TGFB2: variants seen among roughly 807,000 people sequenced by gnomAD.
TGFB2 encodes the protein transforming growth factor beta 2.
TGFB2 carries 13 observed loss-of-function variants against 42.7 expected under a neutral mutation model. That is an observed-to-expected ratio of 0.30 (90% CI 0.20 to 0.48). The LOEUF (loss-of-function observed/expected upper bound fraction) is 0.48, where lower values mean the gene tolerates loss of function less well. TGFB2 is among the 20% of genes least tolerant of loss of function. The pLI, the probability that TGFB2 is intolerant of heterozygous loss-of-function variation, is 0.99. For synonymous variants in TGFB2, 193 were observed against 193.6 expected, an observed-to-expected ratio of 1.00 and a Z score of 0.03; for missense variants, 390 against 517.5, an observed-to-expected ratio of 0.75 and a Z score of 2.39.
chr1:218,373,609 C>T (rs908305087), intron 1 of TGFB2, among the ~76,000 whole-genome samples: 14 of 152,000 alleles, frequency 9.2e-5, no homozygotes, highest in Admixed American at 6.5e-4. Context: ...AATAAGGAAA[C>T]TGAGGTGTAG....
At chr1:218,365,570 G>A (rs1307333752) in intron 1 of TGFB2, among the ~76,000 whole-genome samples, 4 of 152,164 alleles carry the variant, frequency 2.6e-5, no homozygotes, top group Admixed American at 1.3e-4. Context: ...ACAGTGGGAG[G>A]CTCTTCCACC....
intron 1 of TGFB2, among the ~76,000 whole-genome samples, chr1:218,398,335 T>C (rs141606419): frequency 9.8e-4 from 149 of 152,336 alleles, no homozygotes; most frequent in African/African-American, 3.4e-3. Context: ...ATTCACGCAC[T>C]TTCTTCCTGC....
intron 1 of TGFB2, among the ~76,000 whole-genome samples, chr1:218,390,829 C>T (rs142160603): frequency 1.3e-3 from 205 of 152,204 alleles, no homozygotes; most frequent in African/African-American, 4.6e-3. Context: ...TGTATGTTCC[C>T]ATATCTTAAT....
At chr1:218,412,695 C>T (rs539686368) in intron 2 of TGFB2, among the ~76,000 whole-genome samples, 121 of 152,200 alleles carry the variant, frequency 8.0e-4, no homozygotes, top group African/African-American at 2.8e-3. Context: ...GTGGGGAGTG[C>T]GTGTTCAACA....
At chr1:218,410,829 A>G (rs1185758973) in intron 2 of TGFB2, among the ~76,000 whole-genome samples, 2 of 152,230 alleles carry the variant, frequency 1.3e-5, no homozygotes, top group Non-Finnish European at 2.9e-5. Context: ...TTTCCCCTGT[A>G]TGTATGATTA....
chr1:218,438,298 A>G (rs1457882432), intron 6 of TGFB2, among the ~76,000 whole-genome samples: 1 of 148,632 alleles, frequency 6.7e-6, no homozygotes, highest in Admixed American at 6.7e-5. Flanking sequence ...GTCTCCATCT[A>G]AAAAAAAAAT....
At chr1:218,357,102 C>T (rs1204071954) in intron 1 of TGFB2, among the ~76,000 whole-genome samples, 1 of 151,282 alleles carries the variant, frequency 6.6e-6, no homozygotes, top group Non-Finnish European at 1.5e-5. Flanking sequence ...ATCCCAGCTA[C>T]TTGGGAGGCT....
At position 218,444,600 on chromosome 1, in the gene TGFB2, A is replaced by G. The variant is rs1216833375; in HGVS notation, c.*3238A>G. 2 of 152,214 alleles carry G rather than the reference A, an allele frequency of 1.3e-5. No homozygotes were observed. The highest frequency in any genetic ancestry group is 4.8e-5 in the African/African-American group (2 of 41,460). The allele number at this position is 152,214 out of a possible 1,614,324, so 9.4% of individuals were successfully genotyped here. On this transcript the variant is annotated 3_prime_UTR_variant, in exon 7 of 7. Coordinates refer to ENST00000366930, the MANE Select transcript of TGFB2 (RefSeq NM_003238.6). ...ATCTCTTAATAAATAGGATTAATAAAAAAAGTAATTGTGACTCAATCTGGT... is the reference window on the plus strand; with the variant it reads ...ATCTCTTAATAAATAGGATTAATAAGAAAAGTAATTGTGACTCAATCTGGT...
intron 1 of TGFB2, among the ~76,000 whole-genome samples, chr1:218,357,023 C>G (rs1282817456): frequency 1.3e-5 from 2 of 151,360 alleles, no homozygotes; most frequent in Non-Finnish European, 2.9e-5. Context: ...ACTAGCCTGG[C>G]CAATATGGTG....
At chr1:218,379,133 T>TCTTTC (rs200091565) in intron 1 of TGFB2, among the ~76,000 whole-genome samples, 6 of 149,832 alleles carry the variant, frequency 4.0e-5, no homozygotes, top group African/African-American at 1.5e-4. Context: ...TTTCTTTCTT[T>TCTTTC]TTTTTTTTTC....
intron 1 of TGFB2, among the ~76,000 whole-genome samples, chr1:218,357,219 G>GA (rs569034159): frequency 0.068 from 7,639 of 111,792 alleles, 646 homozygotes; most frequent in African/African-American, 0.2. Flanking sequence ...TCTGAAAAAT[G>GA]AAAAAAAAAA....
intron 2 of TGFB2, among the ~76,000 whole-genome samples, chr1:218,430,494 CTTG>C (rs1659773003): frequency 6.6e-6 from 1 of 152,092 alleles, no homozygotes; most frequent in Admixed American, 6.6e-5. Context: ...ATTCAATACT[CTTG>C]TTGTTTGGAG....
At chr1:218,427,295 A>T (rs919324543) in intron 2 of TGFB2, among the ~76,000 whole-genome samples, 8 of 150,954 alleles carry the variant, frequency 5.3e-5, no homozygotes, top group African/African-American at 1.9e-4. Context: ...ACCCCTACTA[A>T]CCTCTAACCT....
chr1:218,355,903 A>T lies in TGFB2; in HGVS notation c.346+8856A>T, dbSNP rs185122476. Among the ~76,000 whole-genome samples the T allele has an allele frequency of 6.2e-3, 948 of 152,360 alleles. 9 individuals are homozygous for T. The highest frequency in any genetic ancestry group is 0.022 in the African/African-American group (918 of 41,572). ...GAATCTGGATTTTAGAAATAATAGA[A>T]TATGAAAAATATATAGAATCAGTGA... On this transcript the variant is annotated intron_variant, in intron 1 of 6. Coordinates refer to ENST00000366930, the MANE Select transcript of TGFB2 (RefSeq NM_003238.6).
rs780318084 is a variant in TGFB2, at chr1:218,444,341, AG to A, written c.*2982del. Reference sequence around the variant, plus strand: ...TCTGGTTCTATGTTCTGCCAACGCCAGGGCCAAAAGAACTGGTCTAGACAGT... The same window carrying A: ...TCTGGTTCTATGTTCTGCCAACGCCAGGCCAAAAGAACTGGTCTAGACAGT... On this transcript the variant is annotated 3_prime_UTR_variant, in exon 7 of 7. Transcript: ENST00000366930. The A allele has an allele frequency of 6.6e-6, 1 of 152,194 alleles. No homozygotes were observed. Among genetic ancestry groups the A allele is most frequent in the Non-Finnish European group, 1.5e-5 (1 of 68,042 alleles). The allele number at this position is 152,194 out of a possible 1,614,324, so 9.4% of individuals were successfully genotyped here.
At position 218,347,142 on chromosome 1, in the gene TGFB2, G is replaced by A. The variant is rs1048322079; in HGVS notation, c.346+95G>A. 13 of 1,215,802 alleles carry A rather than the reference G, an allele frequency of 1.1e-5. 1 individual carries two copies. Among genetic ancestry groups the A allele is most frequent in the South Asian group, 5.6e-5 (4 of 71,048 alleles). The allele number at this position is 1,215,802 out of a possible 1,614,324, so 75.3% of individuals were successfully genotyped here. ...TCCCGGGATCGCCCTTCCCTCTCGC[G>A]GTTCCCGTTCGCTCTTTTCCCGTTC... On this transcript the variant is annotated intron_variant, in intron 1 of 6. Transcript: ENST00000366930.
chr1:218,405,543 ACT>A, intron 2 of TGFB2: 1 of 820,804 alleles, frequency 1.2e-6, no homozygotes, highest in Non-Finnish European at 1.9e-6. Context: ...TTTTTAAAAA[ACT>A]TTTTTTAGAT....
chr1:218,366,955 T>A (rs994008207), intron 1 of TGFB2, among the ~76,000 whole-genome samples: 13 of 152,196 alleles, frequency 8.5e-5, no homozygotes, highest in Non-Finnish European at 1.9e-4. Flanking sequence ...TTTTCCCAAA[T>A]GCAGGCAAAT....
intron 1 of TGFB2, among the ~76,000 whole-genome samples, chr1:218,379,178 G>A (rs963390002): frequency 2.8e-5 from 4 of 145,354 alleles, no homozygotes; most frequent in African/African-American, 1.0e-4. Flanking sequence ...TGTCACCCAG[G>A]CTGGAGTGCA....
Sources: allele counts gnomAD v4.1 joint callset (sites outside exome capture counted in the v4.1 genomes callset), GRCh38; gene constraint gnomAD v4.1.1; transcripts MANE v1.5; gene names NCBI Gene and HGNC (gene_info 2026-07-23, HGNC 2026-07-21).